The following GPC6 variants were observed in gnomAD, a reference collection of about 807,000 sequenced individuals.
The protein encoded by GPC6 is glypican 6.
GPC6 carries 14 observed loss-of-function variants against 55.2 expected under a neutral mutation model. That is an observed-to-expected ratio of 0.25 (90% CI 0.17 to 0.40). GPC6 has a LOEUF of 0.40. GPC6 is among the 10% of genes least tolerant of loss of function. The pLI is 1.00. For missense variants in GPC6, 641 were observed against 708.5 expected, an observed-to-expected ratio of 0.90 and a Z score of 1.08; for synonymous variants, 278 against 259.6, an observed-to-expected ratio of 1.07 and a Z score of -0.68.
intron 3 of GPC6, among the ~76,000 whole-genome samples, chr13:93,847,781 A>G (rs1351024345): frequency 6.6e-6 from 1 of 152,016 alleles, no homozygotes; most frequent in Non-Finnish European, 1.5e-5. Context: ...GTGATGTGTA[A>G]TTCATTTTCC....
chr13:93,728,208 G>C (rs1594406159), intron 2 of GPC6, among the ~76,000 whole-genome samples: 1 of 78,842 alleles, frequency 1.3e-5, no homozygotes, highest in Middle Eastern at 0.011. Context: ...TTTTGGTTTT[G>C]TTTGTTTGTT....
chr13:93,875,499 C>G (rs1889263683), intron 3 of GPC6, among the ~76,000 whole-genome samples: 2 of 152,076 alleles, frequency 1.3e-5, no homozygotes, highest in African/African-American at 2.4e-5. Context: ...TCAATAGTCT[C>G]TACCAGCCCA....
intron 2 of GPC6, among the ~76,000 whole-genome samples, chr13:93,664,676 C>T (rs1881060726): frequency 6.6e-6 from 1 of 151,986 alleles, no homozygotes; most frequent in Non-Finnish European, 1.5e-5. Context: ...GGAGTGCAGT[C>T]ATGTGATCTC....
chr13:94,017,386 A>G (rs924807014), intron 3 of GPC6, among the ~76,000 whole-genome samples: 1 of 152,144 alleles, frequency 6.6e-6, no homozygotes, highest in South Asian at 2.1e-4. Context: ...AGGCCTCACA[A>G]TCATGGCAGA....
At chr13:94,388,654 C>T (rs750417814) in intron 7 of GPC6, among the ~76,000 whole-genome samples, 21 of 152,164 alleles carry the variant, frequency 1.4e-4, no homozygotes, top group Non-Finnish European at 2.1e-4. Context: ...TCTCATAGTT[C>T]TAGAGGCTGG....
chr13:93,726,600 C>A (rs1223707701), intron 2 of GPC6, among the ~76,000 whole-genome samples: 1 of 151,958 alleles, frequency 6.6e-6, no homozygotes, highest in African/African-American at 2.4e-5. Context: ...CACTTTTTTT[C>A]TAAACCTGTT....
chr13:93,441,917 C>T (rs998373608), intron 1 of GPC6, among the ~76,000 whole-genome samples: 1 of 152,068 alleles, frequency 6.6e-6, no homozygotes, highest in African/African-American at 2.4e-5. Context: ...GGACATAAAC[C>T]TTTTCTCTGA....
At chr13:94,185,232 T>A (rs1889131172) in intron 4 of GPC6, among the ~76,000 whole-genome samples, 1 of 147,820 alleles carries the variant, frequency 6.8e-6, no homozygotes, top group Non-Finnish European at 1.5e-5. Flanking sequence ...GTGACAAACT[T>A]GCACATGGAC....
chr13:93,527,337 T>C (rs1287401110), intron 1 of GPC6, among the ~76,000 whole-genome samples: 8 of 152,148 alleles, frequency 5.3e-5, no homozygotes, highest in African/African-American at 1.7e-4. Context: ...CATTTTTCAC[T>C]CTTCCTCCTT....
intron 2 of GPC6, among the ~76,000 whole-genome samples, chr13:93,664,061 A>G (rs940709478): frequency 1.3e-5 from 2 of 152,206 alleles, no homozygotes; most frequent in African/African-American, 2.4e-5. Context: ...GTTATTTTAT[A>G]TGGTTCTGAA....
intron 4 of GPC6, among the ~76,000 whole-genome samples, chr13:94,091,156 A>T (rs1053553554): frequency 2.0e-5 from 3 of 152,170 alleles, no homozygotes; most frequent in African/African-American, 7.2e-5. Flanking sequence ...TTTATCAAAG[A>T]TAATATTTTT....
chr13:93,480,014 A>C (rs968480751), intron 1 of GPC6, among the ~76,000 whole-genome samples: 29 of 152,344 alleles, frequency 1.9e-4, no homozygotes, highest in Non-Finnish European at 4.0e-4. Context: ...TAAGAGTTGC[A>C]TTTTAGAAAC....
At chr13:93,993,239 G>T (rs768685474) in intron 3 of GPC6, among the ~76,000 whole-genome samples, 5 of 150,868 alleles carry the variant, frequency 3.3e-5, no homozygotes, top group Non-Finnish European at 5.9e-5. Context: ...TTCTTTTGTC[G>T]TATCTATTTT....
intron 2 of GPC6, among the ~76,000 whole-genome samples, chr13:93,803,324 T>G (rs543731888): frequency 6.6e-6 from 1 of 152,134 alleles, no homozygotes; most frequent in East Asian, 1.9e-4. Context: ...GATATAGAAA[T>G]AGGGAATATG....
intron 4 of GPC6, among the ~76,000 whole-genome samples, chr13:94,263,354 C>T (rs1891706345): frequency 1.3e-5 from 2 of 152,222 alleles, no homozygotes; most frequent in South Asian, 4.1e-4. Context: ...AATTCACCCT[C>T]TGTTGACTTT....
intron 3 of GPC6, among the ~76,000 whole-genome samples, chr13:93,976,451 T>C (rs1463899960): frequency 1.3e-5 from 2 of 151,816 alleles, no homozygotes; most frequent in Non-Finnish European, 2.9e-5. Context: ...CATTTTTGCC[T>C]AAAACCAAGG....
chr13:93,859,017 A>C (rs1888721140), intron 3 of GPC6, among the ~76,000 whole-genome samples: 1 of 151,518 alleles, frequency 6.6e-6, no homozygotes, highest in African/African-American at 2.4e-5. Flanking sequence ...CGCAGAGAAA[A>C]ATTTCTAATG....
chr13:93,249,964 A>G (rs1032971622), intron 1 of GPC6, among the ~76,000 whole-genome samples: 2 of 152,064 alleles, frequency 1.3e-5, no homozygotes, highest in African/African-American at 4.8e-5. Flanking sequence ...ACAGGAGAAA[A>G]CATTTTAGTC....
intron 3 of GPC6, among the ~76,000 whole-genome samples, chr13:94,013,687 A>G (rs1056936957): frequency 6.6e-6 from 1 of 152,314 alleles, no homozygotes; most frequent in East Asian, 1.9e-4. Flanking sequence ...TAGAAACTGA[A>G]TCTAGGTGAC....
Sources: allele counts gnomAD v4.1 joint callset (sites outside exome capture counted in the v4.1 genomes callset), GRCh38; gene constraint gnomAD v4.1.1; transcripts MANE v1.5; gene names NCBI Gene and HGNC (gene_info 2026-07-23, HGNC 2026-07-21).